FARP2: variants seen among roughly 807,000 people sequenced by gnomAD.
FARP2 encodes FERM, ARHGEF and pleckstrin domain-containing protein 2.
A neutral mutation model predicts 130.5 loss-of-function variants in FARP2; 111 were observed. The observed-to-expected ratio is 0.85, with a 90% confidence interval of 0.73 to 1.00. FARP2 has a LOEUF of 1.00. Among genes scored for constraint, FARP2 ranks in the 50% least tolerant of loss-of-function variants. The pLI is 0.00. For missense variants in FARP2, 1,385 were observed against 1,346.3 expected, an observed-to-expected ratio of 1.03 and a Z score of -0.45; for synonymous variants, 504 against 516.9, an observed-to-expected ratio of 0.98 and a Z score of 0.34.
At chr2:241,406,630 G>GC (rs2062358974) in intron 4 of FARP2, among the ~76,000 whole-genome samples, 3 of 151,708 alleles carry the variant, frequency 2.0e-5, no homozygotes, top group African/African-American at 7.3e-5. Flanking sequence ...GTTTTTTTGG[G>GC]GGGGAGAGGG....
chr2:241,473,711 CATGAT>C (rs1329078740), intron 18 of FARP2, among the ~76,000 whole-genome samples: 1 of 152,174 alleles, frequency 6.6e-6, no homozygotes, highest in Non-Finnish European at 1.5e-5. Context: ...CTCTGCCTGA[CATGAT>C]GTCTGGAAGG....
At chr2:241,493,237 G>A (rs938443399) in intron 25 of FARP2, 56 bp from the exon 26 acceptor site, 2 of 1,580,814 alleles carry the variant, frequency 1.3e-6, no homozygotes, top group South Asian at 1.1e-5. Context: ...CAGAGGAATG[G>A]GCATTCCCTG....
At chr2:241,469,092 G>GT (rs570980000) in intron 18 of FARP2, among the ~76,000 whole-genome samples, 21,453 of 146,056 alleles carry the variant, frequency 0.15, 1,594 homozygotes, top group Admixed American at 0.16. Context: ...TGGTTTTGTG[G>GT]TTTTTTTTTT....
intron 2 of FARP2, among the ~76,000 whole-genome samples, chr2:241,386,441 A>G (rs1235677191): frequency 1.3e-5 from 2 of 152,164 alleles, no homozygotes; most frequent in Non-Finnish European, 1.5e-5. Context: ...TTGCCAGTCA[A>G]CCAACAAGGA....
At position 241,461,238 on chromosome 2, in the gene FARP2, G is replaced by A. The variant is rs13399901; in HGVS notation, c.1588-1285G>A. Among the ~76,000 whole-genome samples, 1,047 of 152,156 alleles carry A rather than the reference G, an allele frequency of 6.9e-3. 11 individuals carry two copies. The highest frequency in any genetic ancestry group is 0.024 in the African/African-American group (982 of 41,514). On this transcript the variant is annotated intron_variant, in intron 14 of 26. Coordinates refer to ENST00000264042, the MANE Select transcript of FARP2 (RefSeq NM_014808.4). Reference sequence around the variant, plus strand: ...AACCCTCACACCTTACCTCCACACCGGACCTTCAGAATGTGTCCAGGATCT... The same window carrying A: ...AACCCTCACACCTTACCTCCACACCAGACCTTCAGAATGTGTCCAGGATCT...
Position 241,462,613 on chromosome 2 carries a change from G to A in FARP2, c.1677+1G>A, listed in dbSNP as rs148642151. 1 of 1,583,908 alleles carries A rather than the reference G, an allele frequency of 6.3e-7. No homozygotes were observed. The highest frequency in any genetic ancestry group is 1.1e-5 in the South Asian group (1 of 90,374). On this transcript the variant is annotated splice_donor_variant, in intron 15 of 26. Transcript: ENST00000264042. LOFTEE classifies it high-confidence loss of function. ...CAAGGATTTAGAAGTTATTACCGTG[G>A]TACGAAAGTCCTTGATTACTTTGAT...
At chr2:241,411,538 AAAG>A (rs1431275283) in intron 6 of FARP2, among the ~76,000 whole-genome samples, 1 of 152,242 alleles carries the variant, frequency 6.6e-6, no homozygotes, top group Non-Finnish European at 1.5e-5. Flanking sequence ...CATGAAGGAA[AAAG>A]AAGACATTTC....
chr2:241,382,170 A>G (rs6719338), intron 2 of FARP2, among the ~76,000 whole-genome samples: 5,193 of 152,076 alleles, frequency 0.034, 286 homozygotes, highest in African/African-American at 0.12. Context: ...GGACTGAACT[A>G]TGTGCATTTT....
chr2:241,385,446 G>T (rs1019783190), intron 2 of FARP2, among the ~76,000 whole-genome samples: 1 of 152,054 alleles, frequency 6.6e-6, no homozygotes, highest in Non-Finnish European at 1.5e-5. Flanking sequence ...AGTAGGATGG[G>T]CACAGTGGCT....
At position 241,490,051 on chromosome 2, in the gene FARP2, G is replaced by A. The variant is rs1415642333; in HGVS notation, c.2504+7G>A. ...CAATCGTGGTGGCAGCCAGGTAAGG[G>A]TCTTCCATGTCTCCATCCTGAGCAG... On this transcript the variant is annotated splice_region_variant and intron_variant, in intron 22 of 26. Transcript: ENST00000264042. 2 of 1,605,148 alleles carry A rather than the reference G, an allele frequency of 1.2e-6. No individual in the cohort carries two copies. Among genetic ancestry groups the A allele is most frequent in the African/African-American group, 2.7e-5 (2 of 74,762 alleles).
intron 5 of FARP2, 181 bp from the exon 6 acceptor site, chr2:241,410,852 T>C (rs2062499321): frequency 1.8e-6 from 1 of 570,148 alleles, no homozygotes; most frequent in Non-Finnish European, 3.2e-6. Context: ...ACTTGGTGAC[T>C]GTTTGTTTCA....
rs918823526 is a variant in FARP2, at chr2:241,490,038, C to T, written c.2498C>T (p.Ala833Val). The change falls in exon 22 of 27, where the codon GCA (alanine) becomes GTA (valine). Residue 833 changes from alanine to valine, a missense_variant. Ala to Val is a moderately conservative substitution (Grantham distance 64). Coordinates refer to ENST00000264042, the MANE Select transcript of FARP2 (RefSeq NM_014808.4). The part of the protein sequence containing the change: ...IYAAQKTIVV[A>V]ASTRLEKEKW... ...GCGGCTCAGAAAACAATCGTGGTGG[C>T]AGCCAGGTAAGGGTCTTCCATGTCT... The T allele has an allele frequency of 6.2e-7, 1 of 1,612,618 alleles. No individual in the cohort carries two copies. Among genetic ancestry groups the T allele is most frequent in the East Asian group, 2.2e-5 (1 of 44,884 alleles).
Position 241,482,711 on chromosome 2 carries a change from T to C in FARP2, c.2263-754T>C, listed in dbSNP as rs1323299078. ...CGCAGTATGTTGGGACTGCTCATACTAGGAGGCCCCTAGCACATTCTCCGG... is the reference window on the plus strand; with the variant it reads ...CGCAGTATGTTGGGACTGCTCATACCAGGAGGCCCCTAGCACATTCTCCGG... On this transcript the variant is annotated intron_variant, in intron 19 of 26. Coordinates refer to ENST00000264042, the MANE Select transcript of FARP2 (RefSeq NM_014808.4). The surrounding 1 kb of genome is among the most constrained non-coding windows in gnomAD (Gnocchi z 4.6). Among the ~76,000 whole-genome samples the C allele has an allele frequency of 2.0e-5, 3 of 152,106 alleles. No individual in the cohort carries two copies. Among genetic ancestry groups the C allele is most frequent in the Non-Finnish European group, 4.4e-5 (3 of 68,012 alleles).
chr2:241,393,986 A>G (rs778889295), intron 2 of FARP2, among the ~76,000 whole-genome samples: 6 of 152,164 alleles, frequency 3.9e-5, no homozygotes, highest in Non-Finnish European at 5.9e-5. Context: ...GTCAATGTTG[A>G]GTTCAGCAGG....
At chr2:241,377,896 G>C (rs2061574752) in intron 2 of FARP2, among the ~76,000 whole-genome samples, 1 of 152,096 alleles carries the variant, frequency 6.6e-6, no homozygotes, top group Non-Finnish European at 1.5e-5. Context: ...GGGTCACATG[G>C]GAAATCTAGG....
intron 12 of FARP2, among the ~76,000 whole-genome samples, chr2:241,437,190 T>C (rs140666549): frequency 1.8e-3 from 268 of 152,372 alleles, no homozygotes; most frequent in Admixed American, 4.6e-3. Flanking sequence ...CTTGCTGTTA[T>C]GTTACAAATG....
At chr2:241,415,491 A>T (rs938306201) in intron 7 of FARP2, among the ~76,000 whole-genome samples, 1 of 152,130 alleles carries the variant, frequency 6.6e-6, no homozygotes, top group African/African-American at 2.4e-5. Context: ...GAACTGTCCA[A>T]CCTGAAGGAC....
At chr2:241,403,631 CTTTA>C (rs1253702468) in intron 2 of FARP2, among the ~76,000 whole-genome samples, 193 bp from the exon 3 acceptor site, 1 of 151,882 alleles carries the variant, frequency 6.6e-6, no homozygotes, top group East Asian at 1.9e-4. Flanking sequence ...AATTTTTTAG[CTTTA>C]TTTATTTTGT....
intron 17 of FARP2, 149 bp from the exon 18 acceptor site, chr2:241,467,991 A>G (rs914445189): frequency 1.4e-6 from 1 of 702,914 alleles, no homozygotes; most frequent in Non-Finnish European, 2.6e-6. Flanking sequence ...CGTGGAGGCT[A>G]GAAAGCCCCC....
Sources: allele counts gnomAD v4.1 joint callset (sites outside exome capture counted in the v4.1 genomes callset), GRCh38; gene constraint gnomAD v4.1.1; non-coding constraint Gnocchi (gnomAD v3.1); transcripts MANE v1.5; gene names NCBI Gene and HGNC (gene_info 2026-07-23, HGNC 2026-07-21).